The following RIMOC1 variants were observed in gnomAD, a reference collection of about 807,000 sequenced individuals.
RIMOC1 encodes the protein RAB7A-interacting MON1-CCZ1 complex subunit 1.
chr5:41,911,272 G>C, the RIMOC1 span: 1 of 1,216,712 alleles, frequency 8.2e-7, no homozygotes, highest in Non-Finnish European at 1.1e-6. Flanking sequence ...GTGGATCAAA[G>C]GGTCTGAGTT....
the RIMOC1 span, chr5:41,904,374 G>GCCGCAGTCT: frequency 1.9e-6 from 3 of 1,613,402 alleles, no homozygotes; most frequent in Non-Finnish European, 2.5e-6. Flanking sequence ...GGCCATGGCG[G>GCCGCAGTCT]CCGCAGTCTC....
the RIMOC1 span, chr5:41,912,019 A>T: frequency 9.2e-7 from 1 of 1,090,024 alleles, no homozygotes; most frequent in Non-Finnish European, 1.4e-6. Context: ...TGAAGTTTAT[A>T]TATCTCTGCA....
the RIMOC1 span, chr5:41,911,105 C>T: frequency 1.9e-6 from 3 of 1,610,244 alleles, no homozygotes; most frequent in Admixed American, 3.4e-5. Context: ...ACGAGGAGCC[C>T]TGCTGTATAT....
chr5:41,907,208 CA>C, the RIMOC1 span, among the ~76,000 whole-genome samples: 5 of 152,104 alleles, frequency 3.3e-5, no homozygotes, highest in African/African-American at 1.2e-4. Flanking sequence ...ATTAAATACA[CA>C]GATGTATTAT....
At chr5:41,907,782 C>A in the RIMOC1 span, 7 of 1,609,700 alleles carry the variant, frequency 4.3e-6, no homozygotes, top group African/African-American at 1.3e-5. Flanking sequence ...AATTGAAACT[C>A]CTGTGTGGAG....
chr5:41,910,632 T>A, the RIMOC1 span, among the ~76,000 whole-genome samples: 2 of 152,052 alleles, frequency 1.3e-5, no homozygotes, highest in Non-Finnish European at 2.9e-5. Context: ...CAAGCCACTT[T>A]AAAAATTTTG....
At chr5:41,915,856 CT>C in the RIMOC1 span, among the ~76,000 whole-genome samples, 1 of 152,160 alleles carries the variant, frequency 6.6e-6, no homozygotes, top group Non-Finnish European at 1.5e-5. Flanking sequence ...TCTGCTGAGC[CT>C]GTTGTTTCTC....
At chr5:41,915,269 T>C in the RIMOC1 span, among the ~76,000 whole-genome samples, 1 of 152,132 alleles carries the variant, frequency 6.6e-6, no homozygotes, top group African/African-American at 2.4e-5. Context: ...TAAAAAACTG[T>C]CCAACTTTTA....
At chr5:41,913,520 T>G in the RIMOC1 span, among the ~76,000 whole-genome samples, 1 of 152,170 alleles carries the variant, frequency 6.6e-6, no homozygotes, top group African/African-American at 2.4e-5. Flanking sequence ...TCCAGGTAAA[T>G]GCAAGTGAAT....
the RIMOC1 span, chr5:41,918,272 T>C: frequency 9.5e-5 from 94 of 985,880 alleles, 1 homozygote; most frequent in African/African-American, 1.6e-3. Flanking sequence ...AGTTTCTCTT[T>C]CTGGTAAAAT....
At chr5:41,906,800 A>T in the RIMOC1 span, among the ~76,000 whole-genome samples, 2 of 152,206 alleles carry the variant, frequency 1.3e-5, no homozygotes, top group East Asian at 3.8e-4. Context: ...GTAACTCCTG[A>T]GGCTGGATCA....
the RIMOC1 span, among the ~76,000 whole-genome samples, chr5:41,904,812 C>G: frequency 1.3e-5 from 2 of 152,172 alleles, no homozygotes; most frequent in Admixed American, 6.5e-5. Flanking sequence ...TGATAACACT[C>G]AAATTAGTTA....
the RIMOC1 span, chr5:41,917,756 C>G: frequency 1.1e-6 from 1 of 926,460 alleles, no homozygotes. Flanking sequence ...TAAATGTAGG[C>G]AAAATGAAAG....
the RIMOC1 span, chr5:41,907,923 T>A: frequency 1.2e-6 from 1 of 811,444 alleles, no homozygotes; most frequent in Non-Finnish European, 2.0e-6. Flanking sequence ...TTAGGTAAAA[T>A]GAAATCAGTT....
At chr5:41,919,220 T>C in the RIMOC1 span, 33 of 152,210 alleles carry the variant, frequency 2.2e-4, no homozygotes, top group Admixed American at 2.2e-3. Flanking sequence ...AGTCCTCATC[T>C]GTTATATAAA....
chr5:41,918,522 A>C, the RIMOC1 span: 6 of 985,200 alleles, frequency 6.1e-6, no homozygotes, highest in Non-Finnish European at 7.2e-6. Context: ...CTTTTAGTCT[A>C]GTCCTTTGGC....
chr5:41,909,724 C>CT, the RIMOC1 span: 2 of 1,376,470 alleles, frequency 1.5e-6, no homozygotes, highest in South Asian at 1.4e-5. Flanking sequence ...TGATAGATAT[C>CT]TTTCTTTTTT....
chr5:41,912,429 G>A, the RIMOC1 span, among the ~76,000 whole-genome samples: 77 of 152,234 alleles, frequency 5.1e-4, 1 homozygote, highest in East Asian at 0.013. Context: ...TGCTCATTTT[G>A]CATCCTCACA....
chr5:41,912,121 C>G, the RIMOC1 span: 4 of 1,612,168 alleles, frequency 2.5e-6, no homozygotes, highest in East Asian at 8.9e-5. Context: ...TATCGATGTC[C>G]TATCCAGTTA....
Sources: allele counts gnomAD v4.1 joint callset (sites outside exome capture counted in the v4.1 genomes callset), GRCh38; gene constraint gnomAD v4.1.1; transcripts MANE v1.5; gene names NCBI Gene and HGNC (gene_info 2026-07-23, HGNC 2026-07-21).